PPP2R3A: variants seen among roughly 807,000 people sequenced by gnomAD.
The protein encoded by PPP2R3A is serine/threonine-protein phosphatase 2A regulatory subunit B'' subunit alpha.
Under a neutral mutation model 106.9 loss-of-function variants are expected in PPP2R3A, and 80 were observed. The ratio of observed to expected loss-of-function variants is 0.75; its 90% CI spans 0.62 to 0.90. The LOEUF (loss-of-function observed/expected upper bound fraction) is 0.90. Among genes scored for constraint, PPP2R3A ranks in the 40% least tolerant of loss-of-function variants. The pLI, the probability that PPP2R3A is intolerant of heterozygous loss-of-function variation, is 0.00. For missense variants in PPP2R3A, 1,386 were observed against 1,350.4 expected, an observed-to-expected ratio of 1.03 and a Z score of -0.41; for synonymous variants, 483 against 468.3, an observed-to-expected ratio of 1.03 and a Z score of -0.41.
At position 136,002,305 on chromosome 3, in the gene PPP2R3A, T is replaced by TA. The variant is rs768837890; in HGVS notation, c.808dup (p.Thr270AsnfsTer4). ...GCATCAGTGAAGGAAGTGGTAATGA[T>TA]ACAATTTCTAGCTCTGAAACTGTCT... On this transcript the variant is annotated frameshift_variant, in exon 2 of 14. Coordinates refer to ENST00000264977, the MANE Select transcript of PPP2R3A (RefSeq NM_002718.5). LOFTEE classifies it high-confidence loss of function. 1 of 1,613,622 alleles carries TA rather than the reference T, an allele frequency of 6.2e-7. No homozygotes were observed. The highest frequency in any genetic ancestry group is 8.5e-7 in the Non-Finnish European group (1 of 1,179,570).
chr3:136,040,702 C>CATAG (rs34244100), intron 3 of PPP2R3A, among the ~76,000 whole-genome samples, 157 bp from the exon 4 acceptor site: 6 of 151,704 alleles, frequency 4.0e-5, no homozygotes, highest in Admixed American at 1.3e-4. Flanking sequence ...TCTGAATCTA[C>CATAG]CCTAGTTGAT....
At chr3:136,048,861 C>T (rs767328979) in intron 4 of PPP2R3A, among the ~76,000 whole-genome samples, 1 of 151,986 alleles carries the variant, frequency 6.6e-6, no homozygotes, top group Non-Finnish European at 1.5e-5. Context: ...TGATAGGTGT[C>T]GGGGTAAAAG....
chr3:136,019,157 CT>C (rs1464840413), intron 2 of PPP2R3A, among the ~76,000 whole-genome samples: 2 of 152,172 alleles, frequency 1.3e-5, no homozygotes, highest in Non-Finnish European at 2.9e-5. Flanking sequence ...ATGCAGGCAG[CT>C]GTGCAGGAAG....
At chr3:135,991,687 C>G (rs1284541736) in intron 1 of PPP2R3A, among the ~76,000 whole-genome samples, 1 of 152,166 alleles carries the variant, frequency 6.6e-6, no homozygotes, top group Non-Finnish European at 1.5e-5. Flanking sequence ...ACCCCAGAGC[C>G]ATTTTTCATC....
In PPP2R3A at chr3:135,992,460, G is replaced by A. The variant is rs149484915; in HGVS notation, c.-440-8599G>A. On this transcript the variant is annotated intron_variant, in intron 1 of 13. Coordinates refer to ENST00000264977, the MANE Select transcript of PPP2R3A (RefSeq NM_002718.5). ...TTAACCCTTTCATCAGCTGAGATAA[G>A]CAGTGGAATTTCTTTACCTCATACT... Among the ~76,000 whole-genome samples, 461 of 152,204 alleles carry A rather than the reference G, an allele frequency of 3.0e-3. 3 individuals are homozygous for A. The highest frequency in any genetic ancestry group is 0.011 in the African/African-American group (441 of 41,512).
At chr3:135,970,453 G>A (rs891359523) in intron 1 of PPP2R3A, among the ~76,000 whole-genome samples, 1 of 152,160 alleles carries the variant, frequency 6.6e-6, no homozygotes, top group Non-Finnish European at 1.5e-5. Context: ...TGTCTTAGCT[G>A]TTTCCTTCAC....
At chr3:136,116,263 AAC>A (rs1937754146) in intron 13 of PPP2R3A, among the ~76,000 whole-genome samples, 1 of 152,210 alleles carries the variant, frequency 6.6e-6, no homozygotes, top group South Asian at 2.1e-4. Flanking sequence ...GGAGAGGAAC[AAC>A]CGGTACCAGC....
At chr3:136,107,082 A>G (rs1233672002) in intron 13 of PPP2R3A, among the ~76,000 whole-genome samples, 1 of 152,100 alleles carries the variant, frequency 6.6e-6, no homozygotes, top group African/African-American at 2.4e-5. Flanking sequence ...TAAAGGGACC[A>G]TGTTAAGAAA....
chr3:136,032,326 C>T (rs1352118334), intron 3 of PPP2R3A, among the ~76,000 whole-genome samples: 1 of 151,952 alleles, frequency 6.6e-6, no homozygotes, highest in East Asian at 1.9e-4. Flanking sequence ...ATTTGATACT[C>T]AGCTTGCTCG....
At chr3:136,055,014 A>G (rs898326621) in intron 5 of PPP2R3A, among the ~76,000 whole-genome samples, 6 of 152,252 alleles carry the variant, frequency 3.9e-5, no homozygotes, top group Non-Finnish European at 7.3e-5. Flanking sequence ...TTAAAACCTT[A>G]AAATGCTACT....
At position 136,030,778 on chromosome 3, in the gene PPP2R3A, A is replaced by ATATATATATG. The variant is rs1206335696; in HGVS notation, c.2262+3683_2262+3684insATATATGTAT. Among the ~76,000 whole-genome samples, 49 of 111,298 alleles carry ATATATATATG rather than the reference A, an allele frequency of 4.4e-4. 1 individual carries two copies. Among genetic ancestry groups the ATATATATATG allele is most frequent in the East Asian group, 1.9e-3 (9 of 4,814 alleles). 73.0% of individuals were successfully genotyped at this position (111,298 alleles called of 152,430 possible). On this transcript the variant is annotated intron_variant, in intron 3 of 13. Transcript: ENST00000264977. ...TTCCATCACATATATATATATATAT[A>ATATATATATG]TATGTATGTATGTATGTATGTATGT...
chr3:136,115,602 T>G (rs1937716759), intron 13 of PPP2R3A, among the ~76,000 whole-genome samples: 1 of 151,490 alleles, frequency 6.6e-6, no homozygotes, highest in African/African-American at 2.4e-5. Context: ...TCGTGAAGCA[T>G]ATACAACTAT....
rs1249148712 is a variant in PPP2R3A, at chr3:136,001,642, C to G, written c.144C>G (p.His48Gln). 1.2e-6 allele frequency: 2 copies of G among 1,614,024 alleles called. No homozygotes were observed. Among genetic ancestry groups the G allele is most frequent in the South Asian group, 2.2e-5 (2 of 91,086 alleles). The change falls in exon 2 of 14, where the codon CAC becomes CAG. Residue 48 changes from histidine (H) to glutamine (Q), a missense_variant. Physicochemically the swap from His to Gln is conservative, Grantham distance 24 (BLOSUM62 0). Transcript: ENST00000264977. The part of the protein sequence containing the change: ...FTHGIDCIVV[H>Q]HSVCADLLHI... ...ATGGAATTGACTGCATTGTGGTACACCATAGTGTTTGTGCAGACCTCTTGC... is the reference window on the plus strand; with the variant it reads ...ATGGAATTGACTGCATTGTGGTACAGCATAGTGTTTGTGCAGACCTCTTGC...
chr3:135,971,460 C>T (rs1388185654), intron 1 of PPP2R3A, among the ~76,000 whole-genome samples: 1 of 152,138 alleles, frequency 6.6e-6, no homozygotes, highest in African/African-American at 2.4e-5. Context: ...CAATTTTGTG[C>T]TTCATATTTC....
chr3:135,975,149 G>A (rs1321907494), intron 1 of PPP2R3A, among the ~76,000 whole-genome samples: 1 of 152,176 alleles, frequency 6.6e-6, no homozygotes, highest in East Asian at 1.9e-4. Context: ...CCCATGGTGG[G>A]CCCTCAATGA....
At chr3:136,128,036 C>G (rs1025304939) in intron 13 of PPP2R3A, among the ~76,000 whole-genome samples, 1 of 152,100 alleles carries the variant, frequency 6.6e-6, no homozygotes, top group African/African-American at 2.4e-5. Flanking sequence ...AAAGAAGCAA[C>G]CGGAACGACC....
At chr3:136,086,327 C>T (rs1460032789) in intron 8 of PPP2R3A, among the ~76,000 whole-genome samples, 7 of 151,978 alleles carry the variant, frequency 4.6e-5, no homozygotes, top group African/African-American at 1.2e-4. Flanking sequence ...ACTAAAAATA[C>T]AAAAATTAGC....
chr3:136,120,851 A>G (rs1263735220), intron 13 of PPP2R3A, among the ~76,000 whole-genome samples: 1 of 152,208 alleles, frequency 6.6e-6, no homozygotes, highest in African/African-American at 2.4e-5. Flanking sequence ...TAATCATTAG[A>G]GAAATGCAAA....
At chr3:136,013,750 A>T (rs1934174242) in intron 2 of PPP2R3A, among the ~76,000 whole-genome samples, 2 of 148,048 alleles carry the variant, frequency 1.4e-5, no homozygotes, top group South Asian at 4.3e-4. Flanking sequence ...TAGATTCTGG[A>T]TATTAGTCCT....
Sources: gnomAD v4.1 joint callset for allele counts (sites outside exome capture counted in the v4.1 genomes callset) on GRCh38, gnomAD v4.1.1 for gene constraint, MANE v1.5 for transcripts, NCBI Gene and HGNC (gene_info 2026-07-23, HGNC 2026-07-21) for gene names.